The following RELT variants were observed in gnomAD, a reference collection of about 807,000 sequenced individuals.
RELT encodes the protein tumor necrosis factor receptor superfamily member 19L.
Under a neutral mutation model 51.1 loss-of-function variants are expected in RELT, and 37 were observed. That is an observed-to-expected ratio of 0.72 (90% confidence interval 0.56 to 0.95). RELT has a LOEUF of 0.95. RELT is among the 40% of genes least tolerant of loss of function. The pLI, the probability that RELT is intolerant of heterozygous loss-of-function variation, is 0.00. For missense variants in RELT, 535 were observed against 572.6 expected, an observed-to-expected ratio of 0.93 and a Z score of 0.67; for synonymous variants, 241 against 235.7, an observed-to-expected ratio of 1.02 and a Z score of -0.21.
intron 6 of RELT, chr11:73,393,242 AT>A: frequency 1.0e-6 from 1 of 1,003,078 alleles, no homozygotes; most frequent in Non-Finnish European, 1.2e-6. Flanking sequence ...ACTCAGGGCC[AT>A]TTTGCCTGGG....
Position 73,395,163 on chromosome 11 carries a change from C to T in RELT, c.1123C>T (p.Pro375Ser). ...SEVKTITEAGPSWGDLPDSPQ... is the reference protein window; with the variant it reads ...SEVKTITEAGSSWGDLPDSPQ... Reference sequence around the variant, plus strand: ...GGTGAAGACCATCACGGAGGCTGGGCCCTCGTGGGGTGATCTCCCTGACTC... The same window carrying T: ...GGTGAAGACCATCACGGAGGCTGGGTCCTCGTGGGGTGATCTCCCTGACTC... Residue 375 changes from proline (P) to serine (S), a missense_variant, in exon 10 of 11, where the codon CCC becomes TCC. Coordinates refer to ENST00000064780, the MANE Select transcript of RELT (RefSeq NM_152222.2). 1 of 1,613,504 alleles carries T rather than the reference C, an allele frequency of 6.2e-7. No homozygotes were observed. Among genetic ancestry groups the T allele is most frequent in the Non-Finnish European group, 8.5e-7 (1 of 1,179,982 alleles).
Position 73,392,510 on chromosome 11 carries a change from G to A in RELT, c.625+42G>A, listed in dbSNP as rs149902920. The A allele has an allele frequency of 4.7e-4, 739 of 1,588,770 alleles. 1 individual carries two copies. In the African/African-American group the frequency reaches 7.1e-3, roughly 15 times the overall value. On this transcript the variant is annotated intron_variant, in intron 6 of 10. Coordinates refer to ENST00000064780, the MANE Select transcript of RELT (RefSeq NM_152222.2). ...GTCCAGGTGGGAAGGACGGGGGCAC[G>A]AGCCCAGCCCCAGCTCCACTTGGGG...
At chr11:73,384,309 AGACTCCTCCC>A (rs1015581808) in intron 1 of RELT, 9 of 152,358 alleles carry the variant, frequency 5.9e-5, no homozygotes, top group African/African-American at 2.2e-4. Context: ...AGACTCCTCC[AGACTCCTCCC>A]GTCTTCTCCG....
At chr11:73,382,603 G>A (rs1866067032) in intron 1 of RELT, among the ~76,000 whole-genome samples, 1 of 152,152 alleles carries the variant, frequency 6.6e-6, no homozygotes, top group Admixed American at 6.5e-5. Context: ...GGCAGGGGTC[G>A]CCTGCCAGTT....
intron 5 of RELT, chr11:73,392,004 G>T: frequency 1.6e-6 from 1 of 631,208 alleles, no homozygotes; most frequent in Admixed American, 2.9e-5. Context: ...GTCCTGAGGA[G>T]GCCTTGTTCA....
chr11:73,381,868 C>T (rs1434223441), intron 1 of RELT, among the ~76,000 whole-genome samples: 4 of 152,138 alleles, frequency 2.6e-5, no homozygotes, highest in South Asian at 4.1e-4. Context: ...CCAGGGTTTA[C>T]GTGGAGTTCC....
In RELT at chr11:73,388,641, A is replaced by C. The variant is rs1232103522; in HGVS notation, c.-25-471A>C. Among the ~76,000 whole-genome samples, 1 of 152,252 alleles carries C rather than the reference A, an allele frequency of 6.6e-6. No homozygotes were observed. The highest frequency in any genetic ancestry group is 2.4e-5 in the African/African-American group (1 of 41,468). ...GACCAGAACCAGCAGGAGTGAAGGC[A>C]GAGGCCGGGCATGCTTGCAGACCTG... On this transcript the variant is annotated intron_variant, in intron 1 of 10. Coordinates refer to ENST00000064780, the MANE Select transcript of RELT (RefSeq NM_152222.2). This position sits in a 1 kb window ranked among gnomAD's most constrained non-coding sequence, Gnocchi z 4.1.
chr11:73,377,311 ATGAG>A (rs1865984299), intron 1 of RELT, among the ~76,000 whole-genome samples: 1 of 118,758 alleles, frequency 8.4e-6, no homozygotes, highest in South Asian at 2.3e-4. Flanking sequence ...TAGGGTGATG[ATGAG>A]TAAGAGGCAG....
chr11:73,379,727 C>G (rs1350642601), intron 1 of RELT, among the ~76,000 whole-genome samples: 1 of 152,240 alleles, frequency 6.6e-6, no homozygotes. Context: ...TATTCCAGCT[C>G]TGGCCTTGCC....
intron 1 of RELT, among the ~76,000 whole-genome samples, chr11:73,387,693 CTG>C (rs1866147015): frequency 6.6e-6 from 1 of 152,184 alleles, no homozygotes; most frequent in South Asian, 2.1e-4. Context: ...CTGGGCCCCT[CTG>C]AGATCTGCCA....
chr11:73,391,217 T>C lies in RELT; in HGVS notation c.361T>C (p.Cys121Arg), dbSNP rs1034985936. ...CTGGGCACCTCTGGGTACTCATGGC[T>C]GTGATGGTGAGTGGCAGACTGGGGC... ...CSWAPLGTHGCDEWGRRARRG... is the reference protein window; with the variant it reads ...CSWAPLGTHGRDEWGRRARRG... The change falls in exon 5 of 11, where the codon TGT becomes CGT. Residue 121 changes from cysteine to arginine, a missense_variant. Transcript: ENST00000064780. 3 of 1,613,580 alleles carry C rather than the reference T, an allele frequency of 1.9e-6. No homozygotes were observed. In the African/African-American group the frequency reaches 4.0e-5, roughly 22 times the overall value.
chr11:73,384,940 C>T (rs532932684), intron 1 of RELT, among the ~76,000 whole-genome samples: 4 of 151,680 alleles, frequency 2.6e-5, no homozygotes, highest in East Asian at 1.9e-4. Flanking sequence ...GCTGGCCAAG[C>T]GATGAGGGGA....
chr11:73,377,305 GTGA>G (rs2134434090), intron 1 of RELT, among the ~76,000 whole-genome samples: 1 of 111,464 alleles, frequency 9.0e-6, no homozygotes, highest in Admixed American at 7.7e-5. Flanking sequence ...TGCGCCTAGG[GTGA>G]TGATGAGTAA....
intron 5 of RELT, 82 bp from the exon 6 acceptor site, chr11:73,392,129 A>G: frequency 2.7e-6 from 4 of 1,494,514 alleles, no homozygotes; most frequent in Non-Finnish European, 3.6e-6. Flanking sequence ...TGCAGCCCCC[A>G]CTGACTCGGG....
chr11:73,393,397 TA>T (rs1866250152), intron 6 of RELT: 3 of 1,161,550 alleles, frequency 2.6e-6, no homozygotes, highest in South Asian at 1.7e-5. Context: ...CAAAGCTGAC[TA>T]GGGGCACTCA....
intron 6 of RELT, chr11:73,393,068 G>A: frequency 2.0e-6 from 2 of 997,506 alleles, no homozygotes; most frequent in Non-Finnish European, 2.4e-6. Context: ...TGGGCCCATG[G>A]GAGCCTGTGG....
chr11:73,390,172 T>A (rs569679099), intron 2 of RELT, among the ~76,000 whole-genome samples: 10 of 152,236 alleles, frequency 6.6e-5, no homozygotes, highest in Non-Finnish European at 1.5e-4. Flanking sequence ...CCAGCTGTGA[T>A]GGGGCCAGGG....
Position 73,395,203 on chromosome 11 carries a change from T to TCC in RELT, c.1168_1169dup (p.Glu391LeufsTer7). The TCC allele has an allele frequency of 1.2e-6, 2 of 1,612,908 alleles. No homozygotes were observed. Among genetic ancestry groups the TCC allele is most frequent in the Non-Finnish European group, 1.7e-6 (2 of 1,179,858 alleles). On this transcript the variant is annotated frameshift_variant, in exon 10 of 11. Transcript: ENST00000064780. LOFTEE classifies it high-confidence loss of function. Reference sequence around the variant, plus strand: ...CTCCCTGACTCCCCACAGCCTGGCCTCCCCCCTGAGCAGCAGGCCCTGCTA... The same window carrying TCC: ...CTCCCTGACTCCCCACAGCCTGGCCTCCCCCCCCTGAGCAGCAGGCCCTGCTA...
chr11:73,385,104 C>G (rs2134443483), intron 1 of RELT, among the ~76,000 whole-genome samples: 1 of 152,166 alleles, frequency 6.6e-6, no homozygotes, highest in East Asian at 1.9e-4. Flanking sequence ...GTCAGGGCAC[C>G]TAGGCTGCAG....
Sources: allele counts gnomAD v4.1 joint callset (sites outside exome capture counted in the v4.1 genomes callset), GRCh38; gene constraint gnomAD v4.1.1; non-coding constraint Gnocchi (gnomAD v3.1); transcripts MANE v1.5; gene names NCBI Gene and HGNC (gene_info 2026-07-23, HGNC 2026-07-21).